Variants in HCRTR2 observed in about 807,000 individuals in gnomAD.
HCRTR2 encodes the protein orexin receptor type 2.
Under a neutral mutation model 49.0 loss-of-function variants are expected in HCRTR2, and 22 were observed. The ratio of observed to expected loss-of-function variants is 0.45; its 90% CI spans 0.32 to 0.64. The LOEUF (loss-of-function observed/expected upper bound fraction) is 0.64. HCRTR2 is among the 30% of genes least tolerant of loss of function. The pLI is 0.04. For synonymous variants in HCRTR2, 236 were observed against 205.3 expected, an observed-to-expected ratio of 1.15 and a Z score of -1.28; for missense variants, 491 against 559.4, an observed-to-expected ratio of 0.88 and a Z score of 1.23.
intron 3 of HCRTR2, among the ~76,000 whole-genome samples, chr6:55,257,960 T>G (rs74914362): frequency 0.13 from 19,014 of 151,952 alleles, 1,950 homozygotes; most frequent in African/African-American, 0.28. Context: ...AAAAAATAAT[T>G]CAAGGCAGAT....
chr6:55,136,858 C>T (rs1581790086), intron 1 of HCRTR2, among the ~76,000 whole-genome samples: 1 of 152,132 alleles, frequency 6.6e-6, no homozygotes, highest in African/African-American at 2.4e-5. Context: ...GACATGGGGA[C>T]CCTGGCTGAA....
Position 55,131,256 on chromosome 6 carries a change from C to T in HCRTR2, c.-378+24711C>T, listed in dbSNP as rs116150845. Among the ~76,000 whole-genome samples the T allele has an allele frequency of 1.3e-3, 193 of 151,628 alleles. 4 individuals carry two copies. The highest frequency in any genetic ancestry group is 4.5e-3 in the African/African-American group (186 of 41,442). ...TGATAATGAATACACAGTAGTTCCC[C>T]TTTTATAAGATTTTACCTTTTCAGA... On this transcript the variant is annotated intron_variant, in intron 1 of 7. Transcript: ENST00000615358.
At chr6:55,125,203 AG>A (rs1764256467) in intron 1 of HCRTR2, among the ~76,000 whole-genome samples, 1 of 152,036 alleles carries the variant, frequency 6.6e-6, no homozygotes, top group African/African-American at 2.4e-5. Flanking sequence ...GTTTCTTCAT[AG>A]TGTTGATGGT....
At chr6:55,275,029 G>T (rs955891351) in intron 4 of HCRTR2, among the ~76,000 whole-genome samples, 1 of 152,086 alleles carries the variant, frequency 6.6e-6, no homozygotes, top group African/African-American at 2.4e-5. Context: ...TCTTTCAAGG[G>T]CTTTGTCCAT....
intron 2 of HCRTR2, among the ~76,000 whole-genome samples, chr6:55,252,520 T>C (rs1046635443): frequency 7.2e-5 from 11 of 152,054 alleles, no homozygotes; most frequent in Non-Finnish European, 1.2e-4. Flanking sequence ...ACAACCATAG[T>C]TCTATTCCCA....
At chr6:55,142,860 A>AC (rs1764526788) in intron 1 of HCRTR2, among the ~76,000 whole-genome samples, 1 of 151,452 alleles carries the variant, frequency 6.6e-6, no homozygotes, top group South Asian at 2.1e-4. Flanking sequence ...GTCAACAGAA[A>AC]AAAAAATTTA....
chr6:55,112,304 C>G (rs887434392), intron 1 of HCRTR2, among the ~76,000 whole-genome samples: 21 of 151,770 alleles, frequency 1.4e-4, no homozygotes, highest in African/African-American at 5.1e-4. Context: ...AGCAATTAGA[C>G]AAGAGAACAA....
chr6:55,217,344 T>A (rs1314755280), intron 1 of HCRTR2, among the ~76,000 whole-genome samples: 1 of 152,232 alleles, frequency 6.6e-6, no homozygotes, highest in African/African-American at 2.4e-5. Context: ...AGCTGCAAAC[T>A]TTTCAAATCA....
intron 1 of HCRTR2, among the ~76,000 whole-genome samples, chr6:55,113,868 G>A (rs957672247): frequency 1.8e-4 from 27 of 151,770 alleles, no homozygotes; most frequent in African/African-American, 5.1e-4. Context: ...AGCACAATTC[G>A]CAATTGCAAA....
chr6:55,213,854 C>A (rs1765738615), intron 1 of HCRTR2, among the ~76,000 whole-genome samples: 1 of 152,080 alleles, frequency 6.6e-6, no homozygotes, highest in Non-Finnish European at 1.5e-5. Flanking sequence ...CACTCATTTG[C>A]CGCAGTTCCT....
At chr6:55,273,968 G>C (rs2127328698) in intron 4 of HCRTR2, among the ~76,000 whole-genome samples, 1 of 149,808 alleles carries the variant, frequency 6.7e-6, no homozygotes, top group East Asian at 2.0e-4. Flanking sequence ...TATAAGTCTT[G>C]CAACCAAAGT....
intron 1 of HCRTR2, among the ~76,000 whole-genome samples, chr6:55,194,755 G>T (rs1205620063): frequency 6.6e-6 from 1 of 151,996 alleles, no homozygotes; most frequent in African/African-American, 2.4e-5. Flanking sequence ...ATGTGTGTTT[G>T]TCATTCAGTA....
At chr6:55,271,290 C>CA (rs1358394741) in intron 4 of HCRTR2, among the ~76,000 whole-genome samples, 18 of 152,006 alleles carry the variant, frequency 1.2e-4, no homozygotes, top group African/African-American at 4.3e-4. Flanking sequence ...AGTTCAATGG[C>CA]AAAAATCATA....
At chr6:55,155,710 A>G (rs951818690) in intron 1 of HCRTR2, among the ~76,000 whole-genome samples, 2 of 152,052 alleles carry the variant, frequency 1.3e-5, no homozygotes, top group Admixed American at 6.6e-5. Context: ...ATAGAAAAAA[A>G]GTTTGTAAAG....
upstream of HCRTR2, among the ~76,000 whole-genome samples, chr6:55,173,109 G>A (rs1764975225): frequency 6.6e-6 from 1 of 152,200 alleles, no homozygotes; most frequent in Admixed American, 6.5e-5. Flanking sequence ...ATATAAAGGA[G>A]CGCTGGGGCT....
intron 1 of HCRTR2, among the ~76,000 whole-genome samples, chr6:55,236,920 C>CT (rs1766225133): frequency 6.6e-6 from 1 of 152,104 alleles, no homozygotes; most frequent in African/African-American, 2.4e-5. Flanking sequence ...CATGCTACTT[C>CT]TATACACACA....
chr6:55,110,865 GACAA>G (rs929285100), intron 1 of HCRTR2, among the ~76,000 whole-genome samples: 11 of 151,658 alleles, frequency 7.3e-5, no homozygotes, highest in Non-Finnish European at 1.0e-4. Context: ...GTATACCCTA[GACAA>G]ACAAACTTAA....
chr6:55,194,690 A>G (rs999109244), intron 1 of HCRTR2, among the ~76,000 whole-genome samples: 8 of 152,026 alleles, frequency 5.3e-5, no homozygotes, highest in African/African-American at 1.9e-4. Flanking sequence ...GGGAGGTTCT[A>G]TTGTGTTCTG....
intron 1 of HCRTR2, among the ~76,000 whole-genome samples, chr6:55,183,111 G>C (rs1444960347): frequency 2.0e-5 from 3 of 152,158 alleles, no homozygotes; most frequent in Admixed American, 1.3e-4. Flanking sequence ...AGAATCCAAG[G>C]AACCTGCACT....
Sources: gnomAD v4.1 joint callset for allele counts (sites outside exome capture counted in the v4.1 genomes callset) on GRCh38, gnomAD v4.1.1 for gene constraint, MANE v1.5 for transcripts, NCBI Gene and HGNC (gene_info 2026-07-23, HGNC 2026-07-21) for gene names.